CAMTA2: variants seen among roughly 807,000 people sequenced by gnomAD.
The protein encoded by CAMTA2 is calmodulin binding transcription activator 2.
Under a neutral mutation model 135.7 loss-of-function variants are expected in CAMTA2, and 56 were observed. The ratio of observed to expected loss-of-function variants is 0.41; its 90% CI spans 0.33 to 0.52. CAMTA2 has a LOEUF of 0.52. Among genes scored for constraint, CAMTA2 ranks in the 20% least tolerant of loss-of-function variants. The pLI is 0.16. For missense variants in CAMTA2, 1,358 were observed against 1,553.4 expected, an observed-to-expected ratio of 0.87 and a Z score of 2.11; for synonymous variants, 591 against 604.6, an observed-to-expected ratio of 0.98 and a Z score of 0.33.
intron 1 of CAMTA2, chr17:4,987,378 G>C (rs1973423130): frequency 1.5e-6 from 2 of 1,361,212 alleles, no homozygotes; most frequent in Admixed American, 7.7e-5. Context: ...CGGGTGCGGG[G>C]GTCTCCGGGA....
At chr17:4,986,875 C>A in intron 1 of CAMTA2, 1 of 1,203,308 alleles carries the variant, frequency 8.3e-7, no homozygotes, top group Non-Finnish European at 1.2e-6. Flanking sequence ...GACAACCCAC[C>A]CTCCGGCTGA....
At position 4,972,346 on chromosome 17, in the gene CAMTA2, A is replaced by C; in HGVS notation, c.2694T>G (p.Tyr898Ter). Reference protein sequence around the residue: ...VPEAPLLLMDYEATNSKGPLS... With the variant: ...VPEAPLLLMD ...GGGGCCCCTTGGAGTTGGTAGCCTCATAGTCCATGAGGAGTAGGGGGGCTT... is the reference window on the plus strand; with the variant it reads ...GGGGCCCCTTGGAGTTGGTAGCCTCCTAGTCCATGAGGAGTAGGGGGGCTT... The change falls in exon 16 of 23, where the codon TAT becomes TAG. Residue 898 changes from tyrosine (Y) to a stop codon, truncating the protein, a stop_gained. Transcript: ENST00000348066. LOFTEE classifies it high-confidence loss of function. The C allele has an allele frequency of 6.2e-7, 1 of 1,613,722 alleles. No homozygotes were observed. Among genetic ancestry groups the C allele is most frequent in the East Asian group, 2.2e-5 (1 of 44,874 alleles).
chr17:4,980,284 T>C lies in CAMTA2; in HGVS notation c.1038A>G (p.Pro346=). ...TCATGGAAGGCCTAGGATCAGCCTG[T>C]GGAGCCAAGTGCCTGGTGGGCGTCA... ...GGLTPTRHLA[P]QADPRPSMSL... The change falls in exon 9 of 23, where the codon CCA becomes CCG. Residue 346 remains proline, a synonymous_variant. Coordinates refer to ENST00000348066, the MANE Select transcript of CAMTA2 (RefSeq NM_015099.4). This position sits in a 1 kb window ranked among gnomAD's most constrained non-coding sequence, Gnocchi z 5.3. 1 of 1,608,378 alleles carries C rather than the reference T, an allele frequency of 6.2e-7. No individual in the cohort carries two copies. The highest frequency in any genetic ancestry group is 8.5e-7 in the Non-Finnish European group (1 of 1,176,620).
rs1478240658 is a variant in CAMTA2 at position 4,968,064 on chromosome 17, A to C, written c.*692T>G. ...ATGCACAAGTAGAAAGTGCCCGTGG[A>C]GCCGGCAGGAGGCCCCCGCCGCGCT... On this transcript the variant is annotated 3_prime_UTR_variant, in exon 23 of 23. Coordinates refer to ENST00000348066, the MANE Select transcript of CAMTA2 (RefSeq NM_015099.4). 1.9e-6 allele frequency: 1 copy of C among 514,448 alleles called. No homozygotes were observed. Among genetic ancestry groups the C allele is most frequent in the South Asian group, 2.5e-5 (1 of 40,636 alleles). 31.9% of individuals were successfully genotyped at this position (514,448 alleles called of 1,614,324 possible).
rs200250600 is a variant in CAMTA2 at position 4,972,914 on chromosome 17, G to C, written c.2358C>G (p.Pro786=). ...FRWNRQALSI[P]DSLGRLPLSV... ...ACAATGGCAGACGGCCCAGAGAGTC[G>C]GGAATGCTCAGTGCCTGTCGGTTCC... Residue 786 remains proline, a synonymous_variant, in exon 15 of 23, where the codon CCC becomes CCG. Transcript: ENST00000348066. 1 of 1,613,846 alleles carries C rather than the reference G, an allele frequency of 6.2e-7. No homozygotes were observed. The highest frequency in any genetic ancestry group is 8.5e-7 in the Non-Finnish European group (1 of 1,180,010).
intron 17 of CAMTA2, 126 bp from the exon 18 acceptor site, chr17:4,970,211 A>G (rs1972191252): frequency 1.4e-6 from 2 of 1,389,084 alleles, no homozygotes; most frequent in East Asian, 4.6e-5. Flanking sequence ...TTCATCAGCC[A>G]GTTCAGTTCG....
intron 2 of CAMTA2, 43 bp downstream of exon 2, chr17:4,986,149 C>T (rs776630387): frequency 2.9e-5 from 37 of 1,256,594 alleles, no homozygotes; most frequent in South Asian, 4.8e-5. Flanking sequence ...GTGGGGAGAA[C>T]GAAAGGCTGT....
At chr17:4,985,598 A>AT (rs1472204611) in intron 3 of CAMTA2, among the ~76,000 whole-genome samples, 4 of 151,730 alleles carry the variant, frequency 2.6e-5, no homozygotes, top group African/African-American at 9.7e-5. Context: ...TGCTTTTTGT[A>AT]TTTTTAGTAG....
chr17:4,972,874 G>A lies in CAMTA2; in HGVS notation c.2398C>T (p.Arg800Trp), dbSNP rs201373442. Residue 800 changes from arginine (R) to tryptophan (W), a missense_variant, in exon 15 of 23, where the codon CGG becomes TGG. Physicochemically the swap from Arg to Trp is moderately radical, Grantham distance 101 (BLOSUM62 -3). Transcript: ENST00000348066. ...GRLPLSVAHS[R>W]GHVRLARCLE... ...CAGCGGGCAAGGCGCACATGACCCC[G>A]GGAATGAGCCACAGACAATGGCAGA... The A allele has an allele frequency of 1.4e-5, 22 of 1,613,786 alleles. No individual in the cohort carries two copies. The highest frequency in any genetic ancestry group is 5.0e-5 in the Admixed American group (3 of 60,004).
intron 2 of CAMTA2, 99 bp downstream of exon 2, chr17:4,986,093 T>C: frequency 9.0e-7 from 1 of 1,110,576 alleles, no homozygotes; most frequent in Non-Finnish European, 1.4e-6. Flanking sequence ...AACTGAAACC[T>C]CACTAAGGAG....
intron 12 of CAMTA2, 182 bp downstream of exon 12, chr17:4,974,203 C>T: frequency 1.7e-6 from 1 of 592,924 alleles, no homozygotes; most frequent in African/African-American, 1.9e-5. Context: ...CAAGAGGGTG[C>T]CCAGAATAGC....
chr17:4,983,286 T>C lies in CAMTA2; in HGVS notation c.136-243A>G, dbSNP rs148612342. Reference sequence around the variant, plus strand: ...TCCAAAAATCTCATTCCTGTGCCCCTTTTTTTTTCTTTTGAGATGGAGTTT... The same window carrying C: ...TCCAAAAATCTCATTCCTGTGCCCCCTTTTTTTTCTTTTGAGATGGAGTTT... On this transcript the variant is annotated intron_variant, in intron 3 of 22. Coordinates refer to ENST00000348066, the MANE Select transcript of CAMTA2 (RefSeq NM_015099.4). 15 of 397,488 alleles carry C rather than the reference T, an allele frequency of 3.8e-5. 1 individual carries two copies. Among genetic ancestry groups the C allele is most frequent in the South Asian group, 3.7e-4 (13 of 34,690 alleles). The allele number at this position is 397,488 out of a possible 1,614,324, so 24.6% of individuals were successfully genotyped here. A position where few individuals can be genotyped will look rare whatever the true frequency, so the allele number is the denominator to read the frequency against.
Position 4,980,507 on chromosome 17 carries a change from G to A in CAMTA2, c.815C>T (p.Pro272Leu). Residue 272 changes from proline (P) to leucine (L), a missense_variant, in exon 9 of 23, where the codon CCT (proline) becomes CTT (leucine). Physicochemically the swap from Pro to Leu is moderately conservative, Grantham distance 98. Coordinates refer to ENST00000348066, the MANE Select transcript of CAMTA2 (RefSeq NM_015099.4). The surrounding 1 kb of genome is among the most constrained non-coding windows in gnomAD (Gnocchi z 5.3). The part of the protein sequence containing the change: ...TSIPHAHPPE[P>L]PPLIAPLPPE... ...GGGAAGTGGGGCTATCAGTGGAGGAGGCTCTGGGGGGTGAGCGTGGGGGAT... is the reference window on the plus strand; with the variant it reads ...GGGAAGTGGGGCTATCAGTGGAGGAAGCTCTGGGGGGTGAGCGTGGGGGAT... 1.2e-6 allele frequency: 2 copies of A among 1,611,376 alleles called. No individual in the cohort carries two copies. The highest frequency in any genetic ancestry group is 8.5e-7 in the Non-Finnish European group (1 of 1,178,560).
intron 16 of CAMTA2, 44 bp downstream of exon 16, chr17:4,972,188 T>G (rs773026385): frequency 1.3e-6 from 2 of 1,526,308 alleles, no homozygotes; most frequent in South Asian, 2.3e-5. Context: ...TCACCCTTCC[T>G]ACTCCACTTC....
rs568291014 is a variant in CAMTA2, at chr17:4,980,444, G to A, written c.878C>T (p.Ser293Phe). 10 of 1,613,192 alleles carry A rather than the reference G, an allele frequency of 6.2e-6. No individual in the cohort carries two copies. In the South Asian group the frequency reaches 9.9e-5, roughly 16 times the overall value. ...LPKAHTSPSS[S>F]SSSSSSGFAE... ...AAAACCTGATGAGGAGGAAGAAGAGGAAGAAGATGGGGAGGTGTGTGCCTT... is the reference window on the plus strand; with the variant it reads ...AAAACCTGATGAGGAGGAAGAAGAGAAAGAAGATGGGGAGGTGTGTGCCTT... Residue 293 changes from serine (S) to phenylalanine (F), a missense_variant, in exon 9 of 23, where the codon TCC becomes TTC. This residue lies in a region of CAMTA2 where 1,077 missense variants were observed against 1,127.5 expected (regional missense o/e 0.96). Transcript: ENST00000348066. This position sits in a 1 kb window ranked among gnomAD's most constrained non-coding sequence, Gnocchi z 5.3.
At chr17:4,981,478 G>A in intron 7 of CAMTA2, 119 bp from the exon 8 acceptor site, 1 of 1,413,470 alleles carries the variant, frequency 7.1e-7, no homozygotes, top group Non-Finnish European at 9.7e-7. Context: ...ACAGAGGCCA[G>A]CAGCCTCAAG....
In CAMTA2 at chr17:4,987,665, C is replaced by G. The variant is rs1973454522; in HGVS notation, c.-137G>C. Reference sequence around the variant, plus strand: ...ACCGACCCCCCCCAGCGCCGGCTGACAGCGGCGTCTAACGTCACTGCGCAC... The same window carrying G: ...ACCGACCCCCCCCAGCGCCGGCTGAGAGCGGCGTCTAACGTCACTGCGCAC... On this transcript the variant is annotated 5_prime_UTR_variant, in exon 1 of 23. Coordinates refer to ENST00000348066, the MANE Select transcript of CAMTA2 (RefSeq NM_015099.4). 2.6e-6 allele frequency: 4 copies of G among 1,519,224 alleles called. No individual in the cohort carries two copies. Among genetic ancestry groups the G allele is most frequent in the Non-Finnish European group, 3.5e-6 (4 of 1,137,984 alleles). 94.1% of individuals were successfully genotyped at this position (1,519,224 alleles called of 1,614,324 possible).
rs950600275 is a variant in CAMTA2, at chr17:4,984,756, C to T, written c.135+1124G>A. On this transcript the variant is annotated intron_variant, in intron 3 of 22. Coordinates refer to ENST00000348066, the MANE Select transcript of CAMTA2 (RefSeq NM_015099.4). ...AAGGTTCCAGCCGGGCGTGGTGGCT[C>T]ATGCCTGTAATCCTAGCACTGTAGG... Among the ~76,000 whole-genome samples, 15 of 152,320 alleles carry T rather than the reference C, an allele frequency of 9.8e-5. No individual in the cohort carries two copies. In the East Asian group the frequency reaches 2.9e-3, roughly 29 times the overall value.
At chr17:4,972,686 C>A (rs1972369755) in intron 15 of CAMTA2, 83 bp downstream of exon 15, 1 of 1,468,058 alleles carries the variant, frequency 6.8e-7, no homozygotes, top group East Asian at 2.3e-5. Context: ...TCCTCTCTTA[C>A]TCGTTTCCCA....
Sources: allele counts gnomAD v4.1 joint callset (sites outside exome capture counted in the v4.1 genomes callset), GRCh38; gene constraint gnomAD v4.1.1; regional missense constraint gnomAD v4.1.1; non-coding constraint Gnocchi (gnomAD v3.1); transcripts MANE v1.5; gene names NCBI Gene and HGNC (gene_info 2026-07-23, HGNC 2026-07-21).